Variants in TRIM69 observed in about 807,000 individuals in gnomAD.
The protein encoded by TRIM69 is tripartite motif containing 69.
In TRIM69, 29 loss-of-function variants were observed where a neutral mutation model predicts 37.7. The observed-to-expected ratio is 0.77, with a 90% confidence interval of 0.57 to 1.05. The LOEUF (loss-of-function observed/expected upper bound fraction) is 1.05. Among genes scored for constraint, TRIM69 ranks in the 50% least tolerant of loss-of-function variants. The probability of loss-of-function intolerance (pLI) is 0.00; values close to 1 mark genes in which losing one functional copy is unlikely to be tolerated. For missense variants in TRIM69, 596 were observed against 579.9 expected (o/e 1.03, Z -0.28); for synonymous variants, 209 against 212.4 (o/e 0.98, Z 0.14).
At chr15:44,740,776 T>C (rs1230159462) in intron 1 of TRIM69, among the ~76,000 whole-genome samples, 1 of 151,528 alleles carries the variant, frequency 6.6e-6, no homozygotes, top group Non-Finnish European at 1.5e-5. Flanking sequence ...CTATCCTAAA[T>C]ATATATGCAC....
intron 4 of TRIM69, 101 bp from the exon 5 acceptor site, chr15:44,759,539 C>T (rs542338404): frequency 1.0e-5 from 12 of 1,195,488 alleles, no homozygotes; most frequent in Admixed American, 5.5e-5. Flanking sequence ...GAGATGAGTT[C>T]GGGACCATCT....
At chr15:44,760,746 C>G (rs555124686) in intron 6 of TRIM69, among the ~76,000 whole-genome samples, 1 of 152,176 alleles carries the variant, frequency 6.6e-6, no homozygotes, top group African/African-American at 2.4e-5. Flanking sequence ...ATTTTTATCA[C>G]TCCAAAAAGT....
At chr15:44,749,270 G>T (rs1256212107) in intron 1 of TRIM69, among the ~76,000 whole-genome samples, 1 of 152,072 alleles carries the variant, frequency 6.6e-6, no homozygotes, top group Non-Finnish European at 1.5e-5. Context: ...CAATTCAGTG[G>T]CATTTAGTGC....
intron 1 of TRIM69, among the ~76,000 whole-genome samples, chr15:44,743,712 A>G (rs2087342109): frequency 6.6e-6 from 1 of 152,230 alleles, no homozygotes; most frequent in African/African-American, 2.4e-5. Context: ...AAAAATTCTC[A>G]CCATCACTGG....
chr15:44,737,381 C>T (rs2087183783), intron 1 of TRIM69, among the ~76,000 whole-genome samples: 1 of 152,146 alleles, frequency 6.6e-6, no homozygotes, highest in Non-Finnish European at 1.5e-5. Flanking sequence ...TGCTGCTACT[C>T]ATCTCTGTGC....
chr15:44,752,269 T>A (rs1044796840), intron 1 of TRIM69, among the ~76,000 whole-genome samples: 2 of 152,236 alleles, frequency 1.3e-5, no homozygotes, highest in Non-Finnish European at 2.9e-5. Context: ...TGTCTCTTTT[T>A]GCTACACGTA....
At chr15:44,748,825 CAAAAAAAAAA>C (rs375092348) in intron 1 of TRIM69, among the ~76,000 whole-genome samples, 7 of 114,266 alleles carry the variant, frequency 6.1e-5, no homozygotes, top group Non-Finnish European at 7.1e-5. Context: ...GACTTTGTCT[CAAAAAAAAAA>C]AAAAAAAAAA....
intron 2 of TRIM69, 84 bp from the exon 3 acceptor site, chr15:44,756,284 G>T (rs2087644166): frequency 1.1e-6 from 1 of 898,154 alleles, no homozygotes. Flanking sequence ...CTTTTTTCTT[G>T]CACACTGGGG....
chr15:44,757,403 A>T (rs2087674651), intron 3 of TRIM69: 1 of 152,216 alleles, frequency 6.6e-6, no homozygotes, highest in Non-Finnish European at 1.5e-5. Flanking sequence ...TGTTCTCTGA[A>T]GAAGTCACAT....
At chr15:44,736,833 T>A (rs2087173078) in intron 1 of TRIM69, 123 bp downstream of exon 1, 1 of 1,110,680 alleles carries the variant, frequency 9.0e-7, no homozygotes, top group African/African-American at 1.6e-5. Context: ...AGTATTTAAC[T>A]TGTGACAGCT....
Position 44,759,737 on chromosome 15 carries a change from G to T in TRIM69, c.837-11G>T, listed in dbSNP as rs372932943. ...GGATGTCTAAGGATAAATGATTTAT[G>T]TGCCCTGCAGCTTGGAGCAAGGAAT... On this transcript the variant is annotated splice_polypyrimidine_tract_variant and intron_variant, in intron 5 of 6. Transcript: ENST00000329464. 1 of 1,614,162 alleles carries T rather than the reference G, an allele frequency of 6.2e-7. No homozygotes were observed. The highest frequency in any genetic ancestry group is 1.1e-5 in the South Asian group (1 of 91,074).
intron 1 of TRIM69, chr15:44,754,493 T>C (rs186143965): frequency 1.4e-3 from 236 of 164,182 alleles, no homozygotes; most frequent in Admixed American, 2.4e-3. Flanking sequence ...GTTGACGATA[T>C]CACACTACTG....
chr15:44,755,704 A>G (rs1157814432), intron 2 of TRIM69, among the ~76,000 whole-genome samples: 1 of 152,232 alleles, frequency 6.6e-6, no homozygotes, highest in Non-Finnish European at 1.5e-5. Flanking sequence ...TAAGTTTAAA[A>G]TGAAGAAAAC....
At chr15:44,748,602 A>T (rs2141318945) in intron 1 of TRIM69, among the ~76,000 whole-genome samples, 1 of 152,004 alleles carries the variant, frequency 6.6e-6, no homozygotes, top group Middle Eastern at 3.4e-3. Context: ...AGGTGGGTGG[A>T]TCACTTGAGG....
At chr15:44,747,846 G>C (rs2087441221) in intron 1 of TRIM69, among the ~76,000 whole-genome samples, 1 of 152,216 alleles carries the variant, frequency 6.6e-6, no homozygotes, top group Non-Finnish European at 1.5e-5. Context: ...TGATCATGAG[G>C]CAAAGAATGT....
At chr15:44,743,235 T>C (rs553577910) in intron 1 of TRIM69, among the ~76,000 whole-genome samples, 86 of 152,304 alleles carry the variant, frequency 5.6e-4, no homozygotes, top group Non-Finnish European at 1.0e-3. Flanking sequence ...ATTTCATAAA[T>C]GGTGCTGGGA....
chr15:44,741,838 C>G (rs1321365538), intron 1 of TRIM69, among the ~76,000 whole-genome samples: 2 of 151,110 alleles, frequency 1.3e-5, no homozygotes, highest in African/African-American at 4.8e-5. Flanking sequence ...GCTTACCAAC[C>G]AAAAAGAGTC....
At position 44,736,807 on chromosome 15, in the gene TRIM69, G is replaced by A. The variant is rs2141301750; in HGVS notation, c.6+97G>A. ...GGATATGGATTTAGGAGCACAAAAG[G>A]AAATTCATGAAGGGAAGTATTTAAC... On this transcript the variant is annotated intron_variant, in intron 1 of 6. Coordinates refer to ENST00000329464, the MANE Select transcript of TRIM69 (RefSeq NM_182985.5). The A allele has an allele frequency of 2.1e-6, 3 of 1,422,764 alleles. No individual in the cohort carries two copies. In the South Asian group the frequency reaches 3.7e-5, roughly 18 times the overall value. 88.1% of individuals were successfully genotyped at this position (1,422,764 alleles called of 1,614,324 possible).
chr15:44,760,954 G>T (rs1259414172), intron 6 of TRIM69, among the ~76,000 whole-genome samples: 3 of 148,498 alleles, frequency 2.0e-5, no homozygotes, highest in African/African-American at 7.5e-5. Flanking sequence ...GTCTCGCTCT[G>T]TTGCCCAGGC....
Sources: gnomAD v4.1 joint callset for allele counts (sites outside exome capture counted in the v4.1 genomes callset) on GRCh38, gnomAD v4.1.1 for gene constraint, MANE v1.5 for transcripts, NCBI Gene and HGNC (gene_info 2026-07-23, HGNC 2026-07-21) for gene names.